Variants in GLT1D1 observed in about 807,000 individuals in gnomAD.
GLT1D1 encodes the protein glycosyltransferase 1 domain-containing protein 1.
Under a neutral mutation model 28.7 loss-of-function variants are expected in GLT1D1, and 21 were observed. The ratio of observed to expected loss-of-function variants is 0.73; its 90% confidence interval spans 0.52 to 1.05. The LOEUF (loss-of-function observed/expected upper bound fraction) is 1.05, where lower values mean the gene tolerates loss of function less well. GLT1D1 is among the 50% of genes least tolerant of loss of function. The pLI, the probability that GLT1D1 is intolerant of heterozygous loss-of-function variation, is 0.00. For missense variants in GLT1D1, 343 were observed against 330.6 expected (o/e 1.04, Z -0.29); for synonymous variants, 147 against 124.8 (o/e 1.18, Z -1.19).
At chr12:128,913,826 C>T (rs536725091) in intron 4 of GLT1D1, among the ~76,000 whole-genome samples, 1 of 152,210 alleles carries the variant, frequency 6.6e-6, no homozygotes, top group Non-Finnish European at 1.5e-5. Flanking sequence ...CTCCACCCTG[C>T]GCATTTTGAA....
chr12:128,859,268 G>A (rs536551), intron 1 of GLT1D1, among the ~76,000 whole-genome samples: 58,328 of 152,044 alleles, frequency 0.38, 13,014 homozygotes, highest in South Asian at 0.52. Context: ...GAACGGAGGG[G>A]GAGGCGTCTT....
chr12:128,916,623 C>G (rs1195109854), intron 4 of GLT1D1, among the ~76,000 whole-genome samples: 1 of 152,128 alleles, frequency 6.6e-6, no homozygotes, highest in East Asian at 1.9e-4. Context: ...TTGTTCAGCA[C>G]CTTTTTATGT....
intron 7 of GLT1D1, among the ~76,000 whole-genome samples, chr12:128,961,024 ACC>A (rs1166358664): frequency 6.6e-6 from 1 of 152,224 alleles, no homozygotes; most frequent in Non-Finnish European, 1.5e-5. Flanking sequence ...TACCCCAGTT[ACC>A]TATTTTTCAA....
chr12:128,914,009 G>C (rs1017920220), intron 4 of GLT1D1, among the ~76,000 whole-genome samples: 6 of 152,186 alleles, frequency 3.9e-5, no homozygotes, highest in Non-Finnish European at 8.8e-5. Context: ...GTATGATTCA[G>C]TGTGAATAAC....
chr12:128,934,626 CA>C (rs1475409789), intron 4 of GLT1D1, among the ~76,000 whole-genome samples: 3 of 152,202 alleles, frequency 2.0e-5, no homozygotes, highest in African/African-American at 7.2e-5. Context: ...CCTGAGCCTC[CA>C]CCCCAGGCAT....
chr12:128,936,923 TAAGA>T (rs1874628666), intron 4 of GLT1D1, among the ~76,000 whole-genome samples: 1 of 152,236 alleles, frequency 6.6e-6, no homozygotes, highest in African/African-American at 2.4e-5. Context: ...GTGGCTTCAC[TAAGA>T]GATTTGAAAG....
At chr12:128,863,381 T>A (rs927349752) in intron 1 of GLT1D1, among the ~76,000 whole-genome samples, 13 of 149,530 alleles carry the variant, frequency 8.7e-5, no homozygotes, top group South Asian at 6.5e-4. Context: ...ATTTATTATT[T>A]TTTTTTTTGA....
intron 6 of GLT1D1, among the ~76,000 whole-genome samples, chr12:128,955,077 G>T (rs544690795): frequency 5.5e-4 from 84 of 152,282 alleles, no homozygotes; most frequent in African/African-American, 1.9e-3. Context: ...AGCTGGGGAA[G>T]GTTGAGATGT....
intron 2 of GLT1D1, among the ~76,000 whole-genome samples, chr12:128,883,961 G>A (rs1593080241): frequency 6.6e-6 from 1 of 152,272 alleles, no homozygotes; most frequent in Middle Eastern, 3.4e-3. Flanking sequence ...TCAGAAACAA[G>A]GGATGACTGA....
chr12:128,965,877 A>G (rs1027344414), intron 7 of GLT1D1, among the ~76,000 whole-genome samples: 4 of 147,636 alleles, frequency 2.7e-5, no homozygotes, highest in Admixed American at 2.0e-4. Flanking sequence ...CCTGGATAAC[A>G]GCAAGACCCT....
intron 4 of GLT1D1, among the ~76,000 whole-genome samples, 164 bp from the exon 7 acceptor site, chr12:128,926,192 TCAA>T (rs1235939151): frequency 1.0e-4 from 9 of 90,046 alleles, no homozygotes; most frequent in Admixed American, 1.3e-4. Context: ...AGACTCTGTC[TCAA>T]TAATAATAAT....
chr12:128,935,983 C>T (rs188436995), intron 4 of GLT1D1, among the ~76,000 whole-genome samples: 6 of 152,056 alleles, frequency 3.9e-5, no homozygotes, highest in South Asian at 2.1e-4. Context: ...TACCTGGGTG[C>T]GCAGGACTTA....
intron 4 of GLT1D1, among the ~76,000 whole-genome samples, chr12:128,917,092 T>C (rs1041816089): frequency 6.6e-6 from 1 of 152,212 alleles, no homozygotes; most frequent in Non-Finnish European, 1.5e-5. Context: ...CGTCATTTAT[T>C]GGAAATGTTT....
intron 4 of GLT1D1, among the ~76,000 whole-genome samples, chr12:128,938,005 C>T (rs867988525): frequency 9.9e-5 from 15 of 152,256 alleles, no homozygotes; most frequent in African/African-American, 3.1e-4. Flanking sequence ...GGTAGGCTTT[C>T]CAGAATCGAC....
chr12:128,978,876 G>T (rs903687603), intron 7 of GLT1D1, among the ~76,000 whole-genome samples: 1 of 152,192 alleles, frequency 6.6e-6, no homozygotes, highest in Non-Finnish European at 1.5e-5. Context: ...CATAGCATTT[G>T]TAAACTGTCA....
intron 4 of GLT1D1, among the ~76,000 whole-genome samples, chr12:128,917,379 G>T (rs554562829): frequency 1.3e-5 from 2 of 152,072 alleles, no homozygotes; most frequent in Admixed American, 6.6e-5. Context: ...GGCTTCAAGC[G>T]ATTCTCCTGC....
At chr12:128,950,764 G>A (rs976438664) in intron 6 of GLT1D1, among the ~76,000 whole-genome samples, 1 of 152,206 alleles carries the variant, frequency 6.6e-6, no homozygotes, top group African/African-American at 2.4e-5. Flanking sequence ...TTTACAAAGA[G>A]TCTCAAATGA....
chr12:128,862,951 C>T (rs758302785), intron 1 of GLT1D1, among the ~76,000 whole-genome samples: 26 of 152,314 alleles, frequency 1.7e-4, no homozygotes, highest in Non-Finnish European at 2.4e-4. Flanking sequence ...AGAGAGAGGA[C>T]TCTGAATAGA....
chr12:128,977,409 T>C (rs1024666268), intron 7 of GLT1D1, among the ~76,000 whole-genome samples: 1 of 152,168 alleles, frequency 6.6e-6, no homozygotes, highest in Admixed American at 6.5e-5. Context: ...TTGGCACACC[T>C]GTGGCCCTGG....
Sources: allele counts gnomAD v4.1 joint callset (sites outside exome capture counted in the v4.1 genomes callset), GRCh38; gene constraint gnomAD v4.1.1; transcripts MANE v1.5; gene names NCBI Gene and HGNC (gene_info 2026-07-23, HGNC 2026-07-21).